TRHDE: variants seen among roughly 807,000 people sequenced by gnomAD.
The protein encoded by TRHDE is thyrotropin-releasing hormone-degrading ectoenzyme.
Under a neutral mutation model 125.7 loss-of-function variants are expected in TRHDE, and 72 were observed. The observed-to-expected ratio is 0.57, with a 90% CI of 0.47 to 0.70. The LOEUF is 0.70. Among genes scored for constraint, TRHDE ranks in the 30% least tolerant of loss-of-function variants. The pLI, the probability that TRHDE is intolerant of heterozygous loss-of-function variation, is 0.00. For synonymous variants in TRHDE, 509 were observed against 509.1 expected (o/e 1.00, Z 0.00); for missense variants, 1,110 against 1,327.1 (o/e 0.84, Z 2.54).
chr12:72,543,797 G>GATTATTATTATTATTATT (rs57214635), intron 7 of TRHDE, among the ~76,000 whole-genome samples: 1 of 142,234 alleles, frequency 7.0e-6, no homozygotes, highest in South Asian at 2.2e-4. Context: ...ATTTGGAAAG[G>GATTATTATTATTATTATT]ATTATTATTA....
intron 2 of TRHDE, among the ~76,000 whole-genome samples, chr12:72,287,632 T>C (rs1463902789): frequency 6.6e-6 from 1 of 151,894 alleles, no homozygotes; most frequent in African/African-American, 2.4e-5. Flanking sequence ...ATTTTAAAAT[T>C]TCATGTAAGT....
intron 2 of TRHDE, among the ~76,000 whole-genome samples, chr12:72,224,134 CTATCTATTTATCTATGTATG>C (rs1412878874): frequency 1.5e-3 from 116 of 79,840 alleles, no homozygotes; most frequent in African/African-American, 3.6e-3. Flanking sequence ...ATCTATCTAT[CTATCTATTTATCTATGTATG>C]TATGTATGTA....
intron 1 of TRHDE, among the ~76,000 whole-genome samples, chr12:72,277,711 A>G (rs1026877522): frequency 2.6e-5 from 4 of 152,126 alleles, no homozygotes; most frequent in Non-Finnish European, 5.9e-5. Context: ...CCATGTAATA[A>G]TGACTCACTC....
intron 15 of TRHDE, among the ~76,000 whole-genome samples, chr12:72,633,219 T>C (rs1042212922): frequency 6.6e-6 from 1 of 152,038 alleles, no homozygotes; most frequent in Non-Finnish European, 1.5e-5. Flanking sequence ...TTTTGATAGA[T>C]TTAGGCTGTT....
chr12:72,461,000 T>C (rs1419017034), intron 3 of TRHDE, among the ~76,000 whole-genome samples: 2 of 152,030 alleles, frequency 1.3e-5, no homozygotes, highest in Admixed American at 6.5e-5. Context: ...TCGAGGAAAA[T>C]TGATTGCTGA....
At chr12:72,449,931 A>G (rs934171158) in intron 3 of TRHDE, among the ~76,000 whole-genome samples, 5 of 151,788 alleles carry the variant, frequency 3.3e-5, no homozygotes, top group African/African-American at 1.2e-4. Flanking sequence ...TGGATTCACA[A>G]TCTTGGTTAA....
intron 6 of TRHDE, among the ~76,000 whole-genome samples, chr12:72,517,059 AG>A (rs1295272078): frequency 1.3e-5 from 2 of 151,936 alleles, no homozygotes; most frequent in Non-Finnish European, 2.9e-5. Flanking sequence ...TATTTTATTG[AG>A]TATTTTGGCA....
chr12:72,249,104 AG>A (rs1878631674), intron 2 of TRHDE, among the ~76,000 whole-genome samples: 1 of 152,194 alleles, frequency 6.6e-6, no homozygotes, highest in Admixed American at 6.5e-5. Context: ...TCTAGACAAA[AG>A]CATAGGAGAA....
At chr12:72,516,761 G>A (rs1470574574) in intron 6 of TRHDE, among the ~76,000 whole-genome samples, 2 of 151,912 alleles carry the variant, frequency 1.3e-5, no homozygotes, top group Non-Finnish European at 2.9e-5. Flanking sequence ...TGCCCATTCA[G>A]TATGATATTG....
rs569262503 is a variant in TRHDE, at chr12:72,593,664, C to G, written c.2321+18122C>G. Among the ~76,000 whole-genome samples the G allele has an allele frequency of 3.2e-4, 48 of 152,226 alleles. 1 individual carries two copies. In the South Asian group the frequency reaches 8.7e-3, roughly 28 times the overall value. On this transcript the variant is annotated intron_variant, in intron 12 of 18. Transcript: ENST00000261180. The stretch of plus-strand genomic sequence containing the variant: ...ATATCTCCTAATGCTATCCCTCCCC[C>G]CTCCTCCCACCCTGCTGACAGGCCC...
Position 72,646,527 on chromosome 12 carries a change from C to A in TRHDE, c.2676-5795C>A, listed in dbSNP as rs568544670. On this transcript the variant is annotated intron_variant, in intron 15 of 18. Transcript: ENST00000261180. Reference sequence around the variant, plus strand: ...ATATAAATGGATTAAACTTCCCAATCAAAAAAAAGTGGCTGAATGGATTAA... The same window carrying A: ...ATATAAATGGATTAAACTTCCCAATAAAAAAAAAGTGGCTGAATGGATTAA... 2.6e-3 allele frequency among the ~76,000 whole-genome samples: 395 copies of A among 151,658 alleles called. 2 individuals carry two copies. Among genetic ancestry groups the A allele is most frequent in the African/African-American group, 8.9e-3 (370 of 41,406 alleles).
intron 2 of TRHDE, among the ~76,000 whole-genome samples, chr12:72,215,391 A>G (rs1877866715): frequency 6.6e-6 from 1 of 152,186 alleles, no homozygotes; most frequent in Non-Finnish European, 1.5e-5. Context: ...ACTTCAGGCC[A>G]TCTGGGCGTA....
intron 15 of TRHDE, among the ~76,000 whole-genome samples, chr12:72,629,224 T>A (rs1041039671): frequency 6.6e-6 from 1 of 151,888 alleles, no homozygotes; most frequent in Non-Finnish European, 1.5e-5. Context: ...GTCTTTTTCA[T>A]GACATTTTAC....
At chr12:72,479,110 T>C (rs922422873) in intron 5 of TRHDE, among the ~76,000 whole-genome samples, 7 of 151,964 alleles carry the variant, frequency 4.6e-5, no homozygotes, top group African/African-American at 1.4e-4. Flanking sequence ...GCATTGGCCA[T>C]GTTAAGAACA....
In TRHDE at chr12:72,169,449, T is replaced by A. The variant is rs145216825; in HGVS notation, n.279+63697T>A. Reference sequence around the variant, plus strand: ...GGAGGCTAGACGTCTCAGATCAAGGTGCTGTCAGAGTTGATTTCTGTTGAA... The same window carrying A: ...GGAGGCTAGACGTCTCAGATCAAGGAGCTGTCAGAGTTGATTTCTGTTGAA... On this transcript the variant is annotated intron_variant and non_coding_transcript_variant, in intron 2 of 4. Coordinates refer to the TRHDE transcript ENST00000548156. Among the ~76,000 whole-genome samples, 95 of 152,250 alleles carry A rather than the reference T, an allele frequency of 6.2e-4. 1 individual carries two copies. In the East Asian group the frequency reaches 0.014, roughly 23 times the overall value.
intron 13 of TRHDE, among the ~76,000 whole-genome samples, chr12:72,620,860 C>A (rs1451230493): frequency 6.6e-6 from 1 of 152,006 alleles, no homozygotes; most frequent in Non-Finnish European, 1.5e-5. Context: ...TTTACTCATG[C>A]AAATTACTTA....
chr12:72,669,366 GAAGATACAGTCT>G lies in TRHDE; in HGVS notation c.*6178_*6189del, dbSNP rs1875194911. The stretch of plus-strand genomic sequence containing the variant: ...AACATTTTCAATGGGTTTGCTGTGT[GAAGATACAGTCT>G]AAGATAAGTGCTTTGACTTGCCTCT... On this transcript the variant is annotated 3_prime_UTR_variant, in exon 19 of 19. Coordinates refer to ENST00000261180, the MANE Select transcript of TRHDE (RefSeq NM_013381.3). 6.6e-6 allele frequency: 1 copy of G among 151,806 alleles called. No homozygotes were observed. The highest frequency in any genetic ancestry group is 1.5e-5 in the Non-Finnish European group (1 of 67,846). 9.4% of individuals were successfully genotyped at this position (151,806 alleles called of 1,614,324 possible).
At chr12:72,310,200 C>T (rs1868475774) in intron 2 of TRHDE, among the ~76,000 whole-genome samples, 1 of 152,168 alleles carries the variant, frequency 6.6e-6, no homozygotes. Flanking sequence ...GTCTGACTTT[C>T]TTCACCTGTT....
At chr12:72,234,832 A>G (rs758807597) in intron 2 of TRHDE, among the ~76,000 whole-genome samples, 8 of 152,198 alleles carry the variant, frequency 5.3e-5, no homozygotes, top group Non-Finnish European at 1.2e-4. Context: ...TAAGCTAAAA[A>G]TGACCTGTAG....
Sources: gnomAD v4.1 joint callset for allele counts (sites outside exome capture counted in the v4.1 genomes callset) on GRCh38, gnomAD v4.1.1 for gene constraint, MANE v1.5 for transcripts, NCBI Gene and HGNC (gene_info 2026-07-23, HGNC 2026-07-21) for gene names.